PRKG1: variants seen among roughly 807,000 people sequenced by gnomAD.
PRKG1 encodes the protein cGMP-dependent protein kinase 1.
In PRKG1, 35 loss-of-function variants were observed where a neutral mutation model predicts 88.1. The observed-to-expected ratio is 0.40, with a 90% CI of 0.30 to 0.53. The LOEUF is 0.53. PRKG1 is among the 20% of genes least tolerant of loss of function. PRKG1 has a pLI of 0.59. For synonymous variants in PRKG1, 303 were observed against 292.5 expected, an observed-to-expected ratio of 1.04 and a Z score of -0.37; for missense variants, 540 against 839.8, an observed-to-expected ratio of 0.64 and a Z score of 4.41.
At chr10:51,351,935 G>A (rs1842257679) in intron 2 of PRKG1, among the ~76,000 whole-genome samples, 1 of 152,098 alleles carries the variant, frequency 6.6e-6, no homozygotes, top group Non-Finnish European at 1.5e-5. Flanking sequence ...TGTAAGGAAG[G>A]GGGTCCAGTT....
In PRKG1 at chr10:51,855,333, T is replaced by G. The variant is rs561350967; in HGVS notation, c.698+50643T>G. On this transcript the variant is annotated intron_variant, in intron 4 of 17. Transcript: ENST00000373980. Reference sequence around the variant, plus strand: ...ATCTGATTTTCTATTCTAGAGTAACTGGAGATCTTCTTGCTGGTGAAGGGT... The same window carrying G: ...ATCTGATTTTCTATTCTAGAGTAACGGGAGATCTTCTTGCTGGTGAAGGGT... Among the ~76,000 whole-genome samples, 43 of 152,276 alleles carry G rather than the reference T, an allele frequency of 2.8e-4. No individual in the cohort carries two copies. The Middle Eastern group carries it at 0.01, about 36-fold the overall frequency.
At chr10:51,941,819 T>G (rs969021109) in intron 5 of PRKG1, among the ~76,000 whole-genome samples, 18 of 152,052 alleles carry the variant, frequency 1.2e-4, no homozygotes, top group African/African-American at 4.4e-4. Flanking sequence ...TTCCATGGTG[T>G]ATATGTGCCA....
chr10:52,224,838 T>TATATATATATATATATATATATATATAC (rs1172536011), intron 9 of PRKG1, among the ~76,000 whole-genome samples: 12 of 135,844 alleles, frequency 8.8e-5, no homozygotes, highest in African/African-American at 2.6e-4. Context: ...TATATATATA[T>TATATATATATATATATATATATATATAC]ACATACATAC....
chr10:51,927,297 T>C (rs556324517), intron 5 of PRKG1, among the ~76,000 whole-genome samples: 10 of 152,170 alleles, frequency 6.6e-5, no homozygotes, highest in South Asian at 2.1e-4. Context: ...CCCATTTTGC[T>C]TGACTCTCAT....
At chr10:51,696,987 A>G (rs1841310688) in intron 3 of PRKG1, 1 of 151,788 alleles carries the variant, frequency 6.6e-6, no homozygotes, top group Admixed American at 6.6e-5. Flanking sequence ...TAGAATTGTC[A>G]CAGCAAAATC....
At chr10:52,250,407 AT>A (rs970537071) in intron 9 of PRKG1, among the ~76,000 whole-genome samples, 9 of 152,324 alleles carry the variant, frequency 5.9e-5, no homozygotes, top group African/African-American at 2.2e-4. Context: ...TGTTTCACAA[AT>A]CCCCCAAGTG....
chr10:51,957,833 A>G (rs944862454), intron 5 of PRKG1, among the ~76,000 whole-genome samples: 1 of 152,160 alleles, frequency 6.6e-6, no homozygotes, highest in African/African-American at 2.4e-5. Context: ...TGTAGGACAT[A>G]TAGTTGTTGT....
At chr10:51,003,706 C>A (rs1466895226) in intron 1 of PRKG1, among the ~76,000 whole-genome samples, 1 of 152,146 alleles carries the variant, frequency 6.6e-6, no homozygotes, top group East Asian at 1.9e-4. Context: ...ACTTGTCTTC[C>A]AGCAGATACC....
intron 7 of PRKG1, among the ~76,000 whole-genome samples, chr10:52,115,885 A>T (rs1336793129): frequency 6.6e-6 from 1 of 152,148 alleles, no homozygotes; most frequent in Non-Finnish European, 1.5e-5. Context: ...TTAGATATTC[A>T]GAGAAAAACT....
At chr10:51,459,143 ATCC>A (rs1016852052) in intron 2 of PRKG1, among the ~76,000 whole-genome samples, 2 of 151,994 alleles carry the variant, frequency 1.3e-5, no homozygotes, top group Non-Finnish European at 2.9e-5. Context: ...CCTTCATCAT[ATCC>A]TGACCCCTCT....
At chr10:51,169,482 G>C (rs555906608) in intron 2 of PRKG1, among the ~76,000 whole-genome samples, 1 of 152,014 alleles carries the variant, frequency 6.6e-6, no homozygotes, top group Non-Finnish European at 1.5e-5. Context: ...TTAAAATGCT[G>C]TTTTTACTTC....
intron 4 of PRKG1, among the ~76,000 whole-genome samples, chr10:51,905,119 A>G (rs746328310): frequency 6.6e-5 from 10 of 152,170 alleles, no homozygotes; most frequent in Non-Finnish European, 8.8e-5. Context: ...ACAAGGCAGG[A>G]CTAAATTTTT....
chr10:51,068,778 C>T (rs919885330), intron 1 of PRKG1, among the ~76,000 whole-genome samples: 2 of 151,936 alleles, frequency 1.3e-5, no homozygotes, highest in Non-Finnish European at 2.9e-5. Flanking sequence ...CCAGAAGAAT[C>T]ACTGAAATGG....
chr10:51,743,024 G>A (rs1837474138), intron 3 of PRKG1, among the ~76,000 whole-genome samples: 1 of 152,038 alleles, frequency 6.6e-6, no homozygotes, highest in Non-Finnish European at 1.5e-5. Context: ...TTCAGCACAT[G>A]TATCCCAGAA....
At chr10:51,377,610 T>C (rs12765382) in intron 2 of PRKG1, among the ~76,000 whole-genome samples, 17,262 of 151,876 alleles carry the variant, frequency 0.11, 1,069 homozygotes, top group Middle Eastern at 0.15. Flanking sequence ...GTTTTTTTTT[T>C]CTAAATTCGT....
intron 7 of PRKG1, among the ~76,000 whole-genome samples, chr10:52,122,585 AAAT>A (rs1270796855): frequency 6.6e-6 from 1 of 152,204 alleles, no homozygotes; most frequent in African/African-American, 2.4e-5. Flanking sequence ...TCTACTAATA[AAAT>A]AATAACAAAG....
At chr10:51,083,868 T>C (rs1415478571) in intron 1 of PRKG1, among the ~76,000 whole-genome samples, 2 of 152,218 alleles carry the variant, frequency 1.3e-5, no homozygotes, top group African/African-American at 4.8e-5. Flanking sequence ...CCTCAAGGTG[T>C]TGCTAATGGT....
intron 3 of PRKG1, among the ~76,000 whole-genome samples, chr10:51,648,073 A>C (rs537280327): frequency 6.6e-6 from 1 of 152,078 alleles, no homozygotes; most frequent in South Asian, 2.1e-4. Context: ...CACATATGTA[A>C]TGTTTAAAAA....
chr10:51,105,235 T>C (rs1486082101), intron 1 of PRKG1, among the ~76,000 whole-genome samples: 9 of 152,226 alleles, frequency 5.9e-5, no homozygotes, highest in Non-Finnish European at 1.2e-4. Context: ...GTGTAATTTA[T>C]GGATAAATTG....
Sources: gnomAD v4.1 joint callset for allele counts (sites outside exome capture counted in the v4.1 genomes callset) on GRCh38, gnomAD v4.1.1 for gene constraint, MANE v1.5 for transcripts, NCBI Gene and HGNC (gene_info 2026-07-23, HGNC 2026-07-21) for gene names.